Variants in CRX observed in about 807,000 individuals in gnomAD.
The protein encoded by CRX is cone-rod homeobox protein.
A neutral mutation model predicts 13.1 loss-of-function variants in CRX; 5 were observed. That is an observed-to-expected ratio of 0.38 (90% CI 0.20 to 0.80). The LOEUF (loss-of-function observed/expected upper bound fraction) is 0.80. CRX is among the 30% of genes least tolerant of loss of function. CRX has a pLI of 0.43. For missense variants in CRX, 351 were observed against 391.8 expected, an observed-to-expected ratio of 0.90 and a Z score of 0.88; for synonymous variants, 179 against 171.1, an observed-to-expected ratio of 1.05 and a Z score of -0.36.
intron 1 of CRX, among the ~76,000 whole-genome samples, chr19:47,828,691 G>C (rs1417192827): frequency 1.3e-5 from 2 of 151,492 alleles, no homozygotes; most frequent in Non-Finnish European, 2.9e-5. Context: ...CTGAGACGTG[G>C]AGGAGAAGGG....
At chr19:47,836,532 C>T in intron 3 of CRX, 138 bp downstream of exon 3, 1 of 1,158,806 alleles carries the variant, frequency 8.6e-7, no homozygotes, top group Non-Finnish European at 1.3e-6. Flanking sequence ...ATCCCTCTCC[C>T]CACCATCCCA....
intron 1 of CRX, among the ~76,000 whole-genome samples, chr19:47,824,980 C>T (rs967323410): frequency 1.7e-4 from 20 of 118,354 alleles, no homozygotes; most frequent in African/African-American, 6.1e-4. Context: ...GGTCCTCTTT[C>T]GATTGATTGA....
intron 1 of CRX, among the ~76,000 whole-genome samples, 187 bp downstream of exon 1, chr19:47,822,197 A>G (rs1967920443): frequency 6.6e-6 from 1 of 152,208 alleles, no homozygotes; most frequent in Admixed American, 6.5e-5. Flanking sequence ...TGATTGCAGC[A>G]GGAGGGAGTA....
intron 1 of CRX, among the ~76,000 whole-genome samples, chr19:47,823,025 A>G (rs1967930840): frequency 6.6e-6 from 1 of 151,946 alleles, no homozygotes; most frequent in Admixed American, 6.6e-5. Flanking sequence ...CGAACTCCTG[A>G]CCTCAAGTGA....
At chr19:47,832,105 G>GTTTTTTTTTGTT (rs1968055157) in intron 1 of CRX, among the ~76,000 whole-genome samples, 2 of 91,988 alleles carry the variant, frequency 2.2e-5, no homozygotes, top group Non-Finnish European at 4.1e-5. Flanking sequence ...GCAGCCTTAT[G>GTTTTTTTTTGTT]TTTTTTTTTT....
intron 1 of CRX, among the ~76,000 whole-genome samples, chr19:47,832,452 G>A (rs1781757202): frequency 6.6e-6 from 1 of 151,576 alleles, no homozygotes; most frequent in Non-Finnish European, 1.5e-5. Flanking sequence ...GGAGAGTTTC[G>A]CTATGTTGCC....
intron 2 of CRX, among the ~76,000 whole-genome samples, chr19:47,835,584 G>A (rs954876658): frequency 7.2e-6 from 1 of 139,672 alleles, no homozygotes; most frequent in African/African-American, 2.7e-5. Flanking sequence ...AGAGAAGTGA[G>A]TACTCAGTTA....
rs2123742922 is a variant in CRX, at chr19:47,839,413, C to A, written c.346C>A (p.Pro116Thr). Residue 116 changes from proline (P) to threonine (T), a missense_variant, in exon 4 of 4, where the codon CCT becomes ACT. Coordinates refer to ENST00000221996, the MANE Select transcript of CRX (RefSeq NM_000554.6). This position sits in a 1 kb window ranked among gnomAD's most constrained non-coding sequence, Gnocchi z 4.6. Reference protein sequence around the residue: ...QPPGGQAKARPAKRKAGTSPR... With the variant: ...QPPGGQAKARTAKRKAGTSPR... The stretch of plus-strand genomic sequence containing the variant: ...CCCAGGGGGCCAGGCCAAGGCCCGG[C>A]CTGCCAAGAGGAAGGCGGGCACGTC... The A allele has an allele frequency of 6.2e-7, 1 of 1,613,780 alleles. No individual in the cohort carries two copies. Among genetic ancestry groups the A allele is most frequent in the Non-Finnish European group, 8.5e-7 (1 of 1,179,842 alleles).
chr19:47,838,769 A>G (rs1387357834), intron 3 of CRX, among the ~76,000 whole-genome samples: 4 of 151,966 alleles, frequency 2.6e-5, no homozygotes, highest in South Asian at 2.1e-4. Context: ...GTATGATCAT[A>G]TAGATGGGTA....
intron 3 of CRX, among the ~76,000 whole-genome samples, chr19:47,838,529 G>A (rs928224982): frequency 7.9e-5 from 12 of 152,034 alleles, no homozygotes; most frequent in African/African-American, 2.9e-4. Flanking sequence ...ATGATCAGAT[G>A]GCTCCATTAA....
intron 1 of CRX, among the ~76,000 whole-genome samples, chr19:47,831,286 G>A (rs547079068): frequency 1.6e-5 from 2 of 122,196 alleles, no homozygotes; most frequent in African/African-American, 6.3e-5. Flanking sequence ...TAGCCTGGGC[G>A]ACAGAGCAAG....
At chr19:47,824,644 C>T (rs35569071) in intron 1 of CRX, among the ~76,000 whole-genome samples, 8,119 of 152,160 alleles carry the variant, frequency 0.053, 327 homozygotes, top group Non-Finnish European at 0.084. Context: ...CTCAGTCTCC[C>T]CCGCTGTAGA....
At position 47,840,359 on chromosome 19, in the gene CRX, G is replaced by A. The variant is rs886054550; in HGVS notation, c.*392G>A. 4.6e-4 allele frequency: 107 copies of A among 232,376 alleles called. No individual in the cohort carries two copies. The highest frequency in any genetic ancestry group is 1.8e-3 in the Middle Eastern group (1 of 558). The allele number at this position is 232,376 out of a possible 1,614,324, so 14.4% of individuals were successfully genotyped here. Reference sequence around the variant, plus strand: ...GTGCCCTTGAACAAGCAGGTAGGGGGGCTTGATAACTTAACTTTCCACGTG... The same window carrying A: ...GTGCCCTTGAACAAGCAGGTAGGGGAGCTTGATAACTTAACTTTCCACGTG... On this transcript the variant is annotated 3_prime_UTR_variant, in exon 4 of 4. Coordinates refer to ENST00000221996, the MANE Select transcript of CRX (RefSeq NM_000554.6).
chr19:47,839,580 G>A lies in CRX; in HGVS notation c.513G>A (p.Leu171=). 6.2e-7 allele frequency: 1 copy of A among 1,612,416 alleles called. No homozygotes were observed. The highest frequency in any genetic ancestry group is 8.5e-7 in the Non-Finnish European group (1 of 1,178,966). ...GGAGCCCAGCCTCAGAGTCCCCTTT[G>A]CCTGAGGCGCAGCGGGCTGGGCTGG... ...SIWSPASESP[L]PEAQRAGLVA... is the part of the protein sequence containing the mutation. Residue 171 remains leucine (L), a synonymous_variant, in exon 4 of 4, where the codon TTG becomes TTA. Transcript: ENST00000221996. This position sits in a 1 kb window ranked among gnomAD's most constrained non-coding sequence, Gnocchi z 4.6.
At chr19:47,836,194 A>C in intron 2 of CRX, 49 bp from the exon 3 acceptor site, 2 of 1,612,436 alleles carry the variant, frequency 1.2e-6, no homozygotes, top group Non-Finnish European at 1.7e-6. Context: ...AGGGCCTCAC[A>C]CCAGCCCATG....
chr19:47,836,786 T>A (rs948616363), intron 3 of CRX, among the ~76,000 whole-genome samples: 1 of 152,064 alleles, frequency 6.6e-6, no homozygotes, highest in Non-Finnish European at 1.5e-5. Context: ...TATCTCAGAG[T>A]CTGTTTATTT....
chr19:47,826,598 C>A (rs2080762551), intron 1 of CRX, among the ~76,000 whole-genome samples: 1 of 152,172 alleles, frequency 6.6e-6, no homozygotes, highest in Non-Finnish European at 1.5e-5. Flanking sequence ...GAGTGACATG[C>A]TGTCCCTAAG....
At chr19:47,825,039 G>T (rs1460734337) in intron 1 of CRX, among the ~76,000 whole-genome samples, 1 of 129,670 alleles carries the variant, frequency 7.7e-6, no homozygotes, top group Non-Finnish European at 1.6e-5. Flanking sequence ...CGCCCAGGTT[G>T]GAATGCAGTG....
Position 47,839,386 on chromosome 19 carries a change from C to T in CRX, c.319C>T (p.Pro107Ser). The T allele has an allele frequency of 6.2e-7, 1 of 1,613,504 alleles. No homozygotes were observed. Among genetic ancestry groups the T allele is most frequent in the Non-Finnish European group, 8.5e-7 (1 of 1,179,778 alleles). Reference sequence around the variant, plus strand: ...ACAGCAGCAGAAACAGCAGCAGCAGCCCCCAGGGGGCCAGGCCAAGGCCCG... The same window carrying T: ...ACAGCAGCAGAAACAGCAGCAGCAGTCCCCAGGGGGCCAGGCCAAGGCCCG... ...QRQQQKQQQQPPGGQAKARPA... is the reference protein window; with the variant it reads ...QRQQQKQQQQSPGGQAKARPA... The change falls in exon 4 of 4, where the codon CCC becomes TCC. Residue 107 changes from proline (P) to serine (S), a missense_variant. By Grantham distance (74) the Pro-to-Ser change is moderately conservative (BLOSUM62 -1). Transcript: ENST00000221996. The surrounding 1 kb of genome is among the most constrained non-coding windows in gnomAD (Gnocchi z 4.6).
Sources: allele counts gnomAD v4.1 joint callset (sites outside exome capture counted in the v4.1 genomes callset), GRCh38; gene constraint gnomAD v4.1.1; non-coding constraint Gnocchi (gnomAD v3.1); transcripts MANE v1.5; gene names NCBI Gene and HGNC (gene_info 2026-07-23, HGNC 2026-07-21).